The following PALLD variants were observed in gnomAD, a reference collection of about 807,000 sequenced individuals.
PALLD encodes palladin, cytoskeletal associated protein, also known as palladin.
A neutral mutation model predicts 123.5 loss-of-function variants in PALLD; 61 were observed. The observed-to-expected ratio is 0.49, with a 90% confidence interval of 0.40 to 0.61. The LOEUF is 0.61. PALLD is among the 20% of genes least tolerant of loss of function. PALLD has a pLI of 0.00. For synonymous variants in PALLD, 465 were observed against 496.4 expected (o/e 0.94, Z 0.84); for missense variants, 1,273 against 1,377.0 (o/e 0.92, Z 1.20).
intron 2 of PALLD, among the ~76,000 whole-genome samples, chr4:168,636,502 A>C (rs567214288): frequency 1.1e-4 from 17 of 152,230 alleles, no homozygotes; most frequent in African/African-American, 3.4e-4. Flanking sequence ...AAACAAAAAA[A>C]CCCAGAACTT....
At chr4:168,551,750 T>C (rs1580271766) in intron 2 of PALLD, among the ~76,000 whole-genome samples, 2 of 151,706 alleles carry the variant, frequency 1.3e-5, no homozygotes, top group Admixed American at 6.6e-5. Flanking sequence ...CCATGGCTAG[T>C]GAACTGGCTT....
At chr4:168,505,595 T>C (rs1472498069) in intron 1 of PALLD, among the ~76,000 whole-genome samples, 2 of 152,244 alleles carry the variant, frequency 1.3e-5, no homozygotes, top group Non-Finnish European at 2.9e-5. Flanking sequence ...GTAAAGTGCA[T>C]AGAACATGAG....
chr4:168,725,511 C>G (rs1312918531), intron 10 of PALLD, among the ~76,000 whole-genome samples: 1 of 144,782 alleles, frequency 6.9e-6, no homozygotes, highest in Non-Finnish European at 1.5e-5. Flanking sequence ...ATATTTTATT[C>G]TCTTTAATTT....
At chr4:168,565,735 T>C (rs962417269) in intron 2 of PALLD, among the ~76,000 whole-genome samples, 1 of 152,170 alleles carries the variant, frequency 6.6e-6, no homozygotes, top group African/African-American at 2.4e-5. Context: ...TAATATACTT[T>C]ACATTGTCAC....
chr4:168,904,995 T>C (rs961324995), intron 15 of PALLD, among the ~76,000 whole-genome samples: 1 of 151,758 alleles, frequency 6.6e-6, no homozygotes, highest in African/African-American at 2.4e-5. Context: ...GGTGTGGTGG[T>C]AGGCACCTGT....
At chr4:168,744,566 C>T (rs2150359622) in intron 10 of PALLD, among the ~76,000 whole-genome samples, 1 of 152,266 alleles carries the variant, frequency 6.6e-6, no homozygotes, top group East Asian at 1.9e-4. Context: ...TCAGGGGTCA[C>T]CTGGTCCAAC....
At chr4:168,741,514 T>C (rs1250864472) in intron 10 of PALLD, among the ~76,000 whole-genome samples, 1 of 151,856 alleles carries the variant, frequency 6.6e-6, no homozygotes. Flanking sequence ...GTCAAGACCA[T>C]GGCTCTTTAA....
At chr4:168,705,950 A>G (rs1324348730) in intron 8 of PALLD, among the ~76,000 whole-genome samples, 1 of 152,194 alleles carries the variant, frequency 6.6e-6, no homozygotes, top group Non-Finnish European at 1.5e-5. Context: ...GCCTTAAATT[A>G]CCATAAATGG....
intron 10 of PALLD, among the ~76,000 whole-genome samples, chr4:168,837,884 G>A (rs774901046): frequency 2.1e-4 from 32 of 152,336 alleles, no homozygotes; most frequent in Non-Finnish European, 4.6e-4. Flanking sequence ...CCAGTGGAAA[G>A]AGATGAACAG....
chr4:168,620,635 G>A (rs546568246), intron 2 of PALLD, among the ~76,000 whole-genome samples: 25 of 152,264 alleles, frequency 1.6e-4, no homozygotes, highest in Admixed American at 4.6e-4. Context: ...CTGGCTTAAG[G>A]AACAAGCCAG....
chr4:168,536,855 T>G (rs1353116637), intron 2 of PALLD, among the ~76,000 whole-genome samples: 1 of 146,528 alleles, frequency 6.8e-6, no homozygotes, highest in Admixed American at 6.9e-5. Flanking sequence ...TGAGACGGAG[T>G]CTCACTCTGT....
At chr4:168,756,752 A>G (rs112171991) in intron 10 of PALLD, among the ~76,000 whole-genome samples, 2 of 152,350 alleles carry the variant, frequency 1.3e-5, no homozygotes, top group African/African-American at 2.4e-5. Context: ...CGAAATACAA[A>G]TCGCAAAGAT....
Position 168,867,999 on chromosome 4 carries a change from C to T in PALLD, c.1965-22923C>T, listed in dbSNP as rs141030241. Among the ~76,000 whole-genome samples the T allele has an allele frequency of 3.1e-3, 463 of 151,180 alleles. 3 individuals are homozygous for T. Among genetic ancestry groups the T allele is most frequent in the African/African-American group, 0.01 (425 of 41,398 alleles). Reference sequence around the variant, plus strand: ...TAAAATAGTATTCCAATTTTAACTGCGTCTCTCCCTTTTTCTTTTATATAA... The same window carrying T: ...TAAAATAGTATTCCAATTTTAACTGTGTCTCTCCCTTTTTCTTTTATATAA... On this transcript the variant is annotated intron_variant, in intron 10 of 21. Transcript: ENST00000505667.
At chr4:168,780,543 T>C (rs1301807366) in intron 10 of PALLD, among the ~76,000 whole-genome samples, 1 of 152,264 alleles carries the variant, frequency 6.6e-6, no homozygotes, top group Non-Finnish European at 1.5e-5. Context: ...TATCCAGTAT[T>C]CTCTCTTATC....
intron 2 of PALLD, among the ~76,000 whole-genome samples, chr4:168,614,314 T>C (rs1341767378): frequency 2.6e-5 from 4 of 152,246 alleles, no homozygotes; most frequent in South Asian, 2.1e-4. Context: ...GGAAGGCCTA[T>C]GTCAGTGACC....
At chr4:168,904,154 C>G (rs1172792566) in intron 15 of PALLD, 1 of 481,518 alleles carries the variant, frequency 2.1e-6, no homozygotes, top group Admixed American at 3.3e-5. Flanking sequence ...TATGTACACA[C>G]TTTCTATGTG....
At chr4:168,565,256 C>T (rs548835709) in intron 2 of PALLD, among the ~76,000 whole-genome samples, 4 of 152,124 alleles carry the variant, frequency 2.6e-5, no homozygotes, top group Admixed American at 6.5e-5. Flanking sequence ...TTCAAACTTA[C>T]ATTCATTAAA....
rs6148775 is a variant in PALLD at position 168,785,846 on chromosome 4, GATATATATATATATAT to G, written c.1964+73939_1964+73954del. Among the ~76,000 whole-genome samples the G allele has an allele frequency of 7.3e-4, 59 of 80,920 alleles. 3 individuals are homozygous for G. The highest frequency in any genetic ancestry group is 1.9e-3 in the African/African-American group (49 of 25,742). The allele number at this position is 80,920 out of a possible 152,430, so 53.1% of individuals were successfully genotyped here. On this transcript the variant is annotated intron_variant, in intron 10 of 21. Transcript: ENST00000505667. Reference sequence around the variant, plus strand: ...AGAGTCAGTTCTAATAAACTGTAGAGATATATATATATATATATATATATATATATAGCATTTTAAG... The same window carrying G: ...AGAGTCAGTTCTAATAAACTGTAGAGATATATATATATATAGCATTTTAAG...
At chr4:168,631,610 G>C in intron 2 of PALLD, 3 of 985,582 alleles carry the variant, frequency 3.0e-6, no homozygotes, top group Non-Finnish European at 2.4e-6. Flanking sequence ...TCGGCGAGAC[G>C]CGGCGCATTC....
Sources: allele counts gnomAD v4.1 joint callset (sites outside exome capture counted in the v4.1 genomes callset), GRCh38; gene constraint gnomAD v4.1.1; transcripts MANE v1.5; gene names NCBI Gene and HGNC (gene_info 2026-07-23, HGNC 2026-07-21).